The following TIMP3 variants were observed in gnomAD, a reference collection of about 807,000 sequenced individuals.
The protein encoded by TIMP3 is metalloproteinase inhibitor 3.
Under a neutral mutation model 30.0 loss-of-function variants are expected in TIMP3, and 11 were observed. That is an observed-to-expected ratio of 0.37 (90% CI 0.23 to 0.61). The LOEUF (loss-of-function observed/expected upper bound fraction) is 0.61, where lower values mean the gene tolerates loss of function less well. Ranked by LOEUF, TIMP3 falls within the 20% of genes least tolerant of loss-of-function variation. The probability of loss-of-function intolerance (pLI) is 0.70; values close to 1 mark genes in which losing one functional copy is unlikely to be tolerated. For missense variants in TIMP3, 181 were observed against 276.8 expected (o/e 0.65, Z 2.45); for synonymous variants, 112 against 111.3 (o/e 1.01, Z -0.04).
At chr22:32,803,605 G>T (rs1350322488) in intron 1 of TIMP3, among the ~76,000 whole-genome samples, 2 of 152,210 alleles carry the variant, frequency 1.3e-5, no homozygotes, top group Non-Finnish European at 2.9e-5. Context: ...GAAGACTGGG[G>T]AGGGTTTTCC....
chr22:32,847,084 C>G (rs542037065), intron 1 of TIMP3, among the ~76,000 whole-genome samples: 1 of 152,132 alleles, frequency 6.6e-6, no homozygotes, highest in Non-Finnish European at 1.5e-5. Flanking sequence ...CCCTCCCACA[C>G]CCCCCGGCCA....
At chr22:32,834,228 C>T (rs1050686066) in intron 1 of TIMP3, among the ~76,000 whole-genome samples, 1 of 152,122 alleles carries the variant, frequency 6.6e-6, no homozygotes. Flanking sequence ...TCTCGGCTCA[C>T]TGCAGCCTCC....
At chr22:32,836,404 G>C (rs1166533168) in intron 1 of TIMP3, among the ~76,000 whole-genome samples, 1 of 152,208 alleles carries the variant, frequency 6.6e-6, no homozygotes, top group African/African-American at 2.4e-5. Context: ...GCCAGGGCAG[G>C]TGGTTCAGAA....
intron 1 of TIMP3, among the ~76,000 whole-genome samples, chr22:32,807,970 A>G (rs2046811332): frequency 1.3e-5 from 2 of 151,938 alleles, no homozygotes; most frequent in African/African-American, 4.8e-5. Context: ...TGACTTACTG[A>G]GTGTTTTTTT....
chr22:32,836,582 A>G (rs1225072423), intron 1 of TIMP3, among the ~76,000 whole-genome samples: 2 of 152,180 alleles, frequency 1.3e-5, no homozygotes, highest in Non-Finnish European at 2.9e-5. Flanking sequence ...GATTCCTGAT[A>G]ATGGTCTTAG....
intron 1 of TIMP3, among the ~76,000 whole-genome samples, chr22:32,848,053 C>T (rs1352723660): frequency 6.6e-6 from 1 of 152,344 alleles, no homozygotes; most frequent in African/African-American, 2.4e-5. Context: ...GTATTCAAGA[C>T]CTGTCCATTT....
At chr22:32,859,147 G>A in intron 4 of TIMP3, 33 bp from the exon 5 acceptor site, 1 of 1,610,024 alleles carries the variant, frequency 6.2e-7, no homozygotes, top group Non-Finnish European at 8.5e-7. Context: ...CCATGGCAGA[G>A]TCCATCAACT....
chr22:32,821,035 C>T (rs1430503032), intron 1 of TIMP3, among the ~76,000 whole-genome samples: 1 of 152,022 alleles, frequency 6.6e-6, no homozygotes, highest in African/African-American at 2.4e-5. Context: ...CTCATCCCTG[C>T]ACTAGAGAAT....
At position 32,858,051 on chromosome 22, in the gene TIMP3, G is replaced by A. The variant is rs770664146; in HGVS notation, c.351G>A (p.Leu117=). 3.1e-6 allele frequency: 5 copies of A among 1,614,074 alleles called. No individual in the cohort carries two copies. The South Asian group carries it at 3.3e-5, about 11-fold the overall frequency. The stretch of plus-strand genomic sequence containing the variant: ...ATGATGGCAAGATGTACACGGGGCT[G>A]TGCAACTTCGTGGAGAGGTGGGACC... ...RVYDGKMYTG[L]CNFVERWDQL... is the part of the protein sequence containing the mutation. The change falls in exon 4 of 5, where the codon CTG becomes CTA. Residue 117 remains leucine, a synonymous_variant. Transcript: ENST00000266085.
At chr22:32,850,781 G>A (rs1487251185) in intron 2 of TIMP3, among the ~76,000 whole-genome samples, 3 of 152,116 alleles carry the variant, frequency 2.0e-5, no homozygotes, top group Admixed American at 1.3e-4. Context: ...TGTCTAATAC[G>A]GGCATGAGGG....
chr22:32,853,033 C>T (rs907637041), intron 2 of TIMP3, among the ~76,000 whole-genome samples: 27 of 152,336 alleles, frequency 1.8e-4, no homozygotes, highest in African/African-American at 6.0e-4. Context: ...TGGTCATGTG[C>T]TTTGCATGTC....
intron 1 of TIMP3, among the ~76,000 whole-genome samples, chr22:32,826,157 G>T (rs573808204): frequency 6.6e-6 from 1 of 152,166 alleles, no homozygotes; most frequent in Non-Finnish European, 1.5e-5. Flanking sequence ...AGCCTGGTGT[G>T]GTGGCTCACG....
At chr22:32,822,806 G>A (rs2047288237) in intron 1 of TIMP3, among the ~76,000 whole-genome samples, 1 of 152,102 alleles carries the variant, frequency 6.6e-6, no homozygotes, top group Non-Finnish European at 1.5e-5. Context: ...ATGGTCCAAA[G>A]AAAGGTGAAT....
At chr22:32,826,169 C>G (rs2047406738) in intron 1 of TIMP3, among the ~76,000 whole-genome samples, 1 of 152,174 alleles carries the variant, frequency 6.6e-6, no homozygotes, top group Non-Finnish European at 1.5e-5. Context: ...TGGCTCACGC[C>G]TGTAATTCCA....
chr22:32,801,902 G>T lies in TIMP3; in HGVS notation c.-100G>T. ...AGGCCAAGGTTGCCCCGCACGGCCC[G>T]GCGGGCGAGCGAGCTCGGGCTGCAG... On this transcript the variant is annotated 5_prime_UTR_variant, in exon 1 of 5. Coordinates refer to ENST00000266085, the MANE Select transcript of TIMP3 (RefSeq NM_000362.5). The surrounding 1 kb of genome is among the most constrained non-coding windows in gnomAD (Gnocchi z 4.7). The T allele has an allele frequency of 7.2e-7, 1 of 1,389,870 alleles. No individual in the cohort carries two copies. The highest frequency in any genetic ancestry group is 1.6e-5 in the South Asian group (1 of 64,186). The allele number at this position is 1,389,870 out of a possible 1,614,324, so 86.1% of individuals were successfully genotyped here.
At chr22:32,820,643 C>T (rs964633355) in intron 1 of TIMP3, among the ~76,000 whole-genome samples, 11 of 152,076 alleles carry the variant, frequency 7.2e-5, no homozygotes, top group South Asian at 2.1e-4. Context: ...GGCAGGGGCC[C>T]GGAGAAAACA....
intron 1 of TIMP3, among the ~76,000 whole-genome samples, chr22:32,849,023 A>G (rs886908771): frequency 3.3e-5 from 5 of 152,174 alleles, no homozygotes; most frequent in African/African-American, 1.2e-4. Flanking sequence ...AAGAGCCCCA[A>G]ATGAGGTGGT....
At chr22:32,830,557 T>C (rs969531060) in intron 1 of TIMP3, among the ~76,000 whole-genome samples, 3 of 152,126 alleles carry the variant, frequency 2.0e-5, no homozygotes, top group Non-Finnish European at 4.4e-5. Flanking sequence ...CTGTGACCTT[T>C]CTTATTGTGT....
At position 32,825,424 on chromosome 22, in the gene TIMP3, G is replaced by C. The variant is rs180693378; in HGVS notation, c.121+23302G>C. On this transcript the variant is annotated intron_variant, in intron 1 of 4. Transcript: ENST00000266085. ...GCCTGTAATCCCAGCACTTTGTGAG[G>C]CTGAGGCAGGTGGATCACCAGGTCA... Among the ~76,000 whole-genome samples, 508 of 152,134 alleles carry C rather than the reference G, an allele frequency of 3.3e-3. 1 individual carries two copies. The highest frequency in any genetic ancestry group is 0.012 in the African/African-American group (485 of 41,494).
Sources: allele counts gnomAD v4.1 joint callset (sites outside exome capture counted in the v4.1 genomes callset), GRCh38; gene constraint gnomAD v4.1.1; non-coding constraint Gnocchi (gnomAD v3.1); transcripts MANE v1.5; gene names NCBI Gene and HGNC (gene_info 2026-07-23, HGNC 2026-07-21).